The following MYOF variants were observed in gnomAD, a reference collection of about 807,000 sequenced individuals.
The protein encoded by MYOF is fer-1-like 3, myoferlin.
In MYOF, 244 loss-of-function variants were observed where a neutral mutation model predicts 284.2. The observed-to-expected ratio is 0.86, with a 90% CI of 0.77 to 0.95. The LOEUF is 0.95. MYOF is among the 40% of genes least tolerant of loss of function. MYOF has a pLI of 0.00. For synonymous variants in MYOF, 904 were observed against 919.7 expected (o/e 0.98, Z 0.31); for missense variants, 2,496 against 2,560.6 (o/e 0.97, Z 0.54).
chr10:93,387,048 C>A (rs954525521), intron 19 of MYOF, among the ~76,000 whole-genome samples: 4 of 152,178 alleles, frequency 2.6e-5, no homozygotes, highest in African/African-American at 9.7e-5. Flanking sequence ...TTGAGAATAG[C>A]CACATTTCGC....
chr10:93,334,077 G>A (rs1465697805), intron 41 of MYOF, among the ~76,000 whole-genome samples, 164 bp from the exon 42 acceptor site: 1 of 152,174 alleles, frequency 6.6e-6, no homozygotes, highest in African/African-American at 2.4e-5. Flanking sequence ...AGTAGGGAAA[G>A]TGAAATGATT....
Position 93,399,465 on chromosome 10 carries a change from T to C in MYOF, c.1148A>G (p.Glu383Gly). Reference protein sequence around the residue: ...MDDAFSQTVKEIFGGNADKKN... With the variant: ...MDDAFSQTVKGIFGGNADKKN... ...CTTATCTGCATTGCCTCCAAATATT[T>C]CCTTTACTGTCTGTGAGAAGGCATC... The change falls in exon 13 of 54, where the codon GAA becomes GGA. Residue 383 changes from glutamate (E) to glycine (G), a missense_variant. Physicochemically the swap from Glu to Gly is moderately conservative, Grantham distance 98. Around this residue, in one of 3 missense-constraint regions of MYOF, gnomAD observed 2,436 missense variants for 2,480.7 expected, o/e 0.98. Coordinates refer to ENST00000359263, the MANE Select transcript of MYOF (RefSeq NM_013451.4). The C allele has an allele frequency of 6.2e-7, 1 of 1,613,518 alleles. No individual in the cohort carries two copies. Among genetic ancestry groups the C allele is most frequent in the Non-Finnish European group, 8.5e-7 (1 of 1,179,640 alleles).
chr10:93,455,746 T>C (rs961236474), intron 2 of MYOF, among the ~76,000 whole-genome samples: 4 of 151,974 alleles, frequency 2.6e-5, no homozygotes, highest in African/African-American at 9.7e-5. Flanking sequence ...GAAAGGTGGG[T>C]GGGTGGAGGG....
chr10:93,353,959 G>T, intron 31 of MYOF, 71 bp from the exon 32 acceptor site: 1 of 1,213,604 alleles, frequency 8.2e-7, no homozygotes. Flanking sequence ...TGGAATATTT[G>T]GAAAAAATAC....
At chr10:93,383,016 C>T (rs1359563023) in intron 19 of MYOF, among the ~76,000 whole-genome samples, 1 of 152,174 alleles carries the variant, frequency 6.6e-6, no homozygotes, top group Non-Finnish European at 1.5e-5. Context: ...CTGCCTCAGC[C>T]TCCCAAGTAG....
rs569760083 is a variant in MYOF, at chr10:93,379,851, A to G, written c.2001+12T>C. 9.3e-6 allele frequency: 15 copies of G among 1,613,190 alleles called. No homozygotes were observed. In the South Asian group the frequency reaches 1.5e-4, roughly 17 times the overall value. ...CTTGGTGAAAAGGAAATGCAGAAAA[A>G]GAGAAACTTACCAGCCGTTCTGCCA... On this transcript the variant is annotated intron_variant, in intron 21 of 53. Coordinates refer to ENST00000359263, the MANE Select transcript of MYOF (RefSeq NM_013451.4).
chr10:93,421,934 TG>T (rs1335238378), intron 5 of MYOF, among the ~76,000 whole-genome samples: 5 of 152,028 alleles, frequency 3.3e-5, no homozygotes, highest in African/African-American at 4.8e-5. Flanking sequence ...ATTAGAGGTT[TG>T]TTTTTTTTTT....
intron 16 of MYOF, among the ~76,000 whole-genome samples, chr10:93,393,631 T>C (rs1846808273): frequency 6.6e-6 from 1 of 152,272 alleles, no homozygotes; most frequent in African/African-American, 2.4e-5. Context: ...TTCTCATGAA[T>C]AATGGATTTC....
intron 50 of MYOF, among the ~76,000 whole-genome samples, chr10:93,314,367 G>T (rs1589373475): frequency 6.6e-6 from 1 of 152,194 alleles, no homozygotes; most frequent in Non-Finnish European, 1.5e-5. Flanking sequence ...GGGATTACAG[G>T]CATGACCCAC....
chr10:93,443,095 A>AACCC (rs75433003), intron 3 of MYOF, among the ~76,000 whole-genome samples: 27,404 of 152,124 alleles, frequency 0.18, 2,873 homozygotes, highest in Middle Eastern at 0.27. Context: ...CCGGAGGCGG[A>AACCC]GGTTGCAGTA....
intron 19 of MYOF, among the ~76,000 whole-genome samples, chr10:93,381,893 T>C (rs915048514): frequency 2.6e-5 from 4 of 151,936 alleles, no homozygotes; most frequent in Non-Finnish European, 4.4e-5. Context: ...AAAAATTAGC[T>C]GGGCGTGGTG....
intron 7 of MYOF, 125 bp downstream of exon 7, chr10:93,408,662 A>G: frequency 1.5e-6 from 2 of 1,302,878 alleles, no homozygotes; most frequent in Non-Finnish European, 2.1e-6. Context: ...TCACATGGTC[A>G]CACCTAGTTT....
At chr10:93,353,932 G>A (rs1423214470) in intron 31 of MYOF, 44 bp from the exon 32 acceptor site, 1 of 1,434,614 alleles carries the variant, frequency 7.0e-7, no homozygotes. Flanking sequence ...GCGTAACACT[G>A]TAAACTGCTA....
At chr10:93,448,078 T>C (rs937364976) in intron 3 of MYOF, among the ~76,000 whole-genome samples, 2 of 152,176 alleles carry the variant, frequency 1.3e-5, no homozygotes, top group African/African-American at 4.8e-5. Flanking sequence ...ACCTCCTTCC[T>C]GCACTTTCAA....
intron 25 of MYOF, among the ~76,000 whole-genome samples, chr10:93,367,330 A>C (rs892433229): frequency 2.0e-5 from 3 of 152,216 alleles, no homozygotes; most frequent in Non-Finnish European, 4.4e-5. Context: ...TTGGATCCAA[A>C]CTAGAATTTC....
At chr10:93,370,355 T>C (rs1422655856) in intron 24 of MYOF, among the ~76,000 whole-genome samples, 1 of 145,026 alleles carries the variant, frequency 6.9e-6, no homozygotes, top group Non-Finnish European at 1.5e-5. Flanking sequence ...TCTCACTCTG[T>C]TGCTGGAGTG....
chr10:93,456,743 A>G, intron 2 of MYOF, 139 bp downstream of exon 2: 2 of 646,744 alleles, frequency 3.1e-6, no homozygotes, highest in Non-Finnish European at 5.4e-6. Flanking sequence ...CTCTTGGTGA[A>G]CACAAAGGGA....
intron 36 of MYOF, among the ~76,000 whole-genome samples, chr10:93,348,390 G>T (rs1564638061): frequency 6.6e-6 from 1 of 152,198 alleles, no homozygotes; most frequent in Non-Finnish European, 1.5e-5. Flanking sequence ...ATGGAATTTG[G>T]TGGCTTTGGT....
chr10:93,363,011 CCAA>C (rs1191177598), intron 27 of MYOF, among the ~76,000 whole-genome samples: 2 of 152,088 alleles, frequency 1.3e-5, no homozygotes, highest in Admixed American at 1.3e-4. Context: ...CTTATAAAAA[CCAA>C]CGACTCAAAA....
Sources: allele counts gnomAD v4.1 joint callset (sites outside exome capture counted in the v4.1 genomes callset), GRCh38; gene constraint gnomAD v4.1.1; regional missense constraint gnomAD v4.1.1; transcripts MANE v1.5; gene names NCBI Gene and HGNC (gene_info 2026-07-23, HGNC 2026-07-21).